The following SNRK variants were observed in gnomAD, a reference collection of about 807,000 sequenced individuals.
SNRK encodes the protein SNF-related serine/threonine-protein kinase.
A neutral mutation model predicts 48.2 loss-of-function variants in SNRK; 3 were observed. The observed-to-expected ratio is 0.06, with a 90% confidence interval of 0.03 to 0.16. The LOEUF (loss-of-function observed/expected upper bound fraction) is 0.16. Among genes scored for constraint, SNRK ranks in the 10% least tolerant of loss-of-function variants. SNRK has a pLI of 1.00. For synonymous variants in SNRK, 376 were observed against 366.1 expected (o/e 1.03, Z -0.31); for missense variants, 627 against 976.0 (o/e 0.64, Z 4.76).
chr3:43,341,068 GC>G (rs1466319100), intron 5 of SNRK, among the ~76,000 whole-genome samples: 1 of 152,122 alleles, frequency 6.6e-6, no homozygotes, highest in African/African-American at 2.4e-5. Context: ...GCCCTTGAGA[GC>G]CCCTGCTGCA....
At chr3:43,342,547 T>A (rs1330504825) in intron 5 of SNRK, among the ~76,000 whole-genome samples, 2 of 152,226 alleles carry the variant, frequency 1.3e-5, no homozygotes, top group Non-Finnish European at 2.9e-5. Flanking sequence ...GCTTCTTTCC[T>A]AAGTGTTCAT....
chr3:43,311,589 G>A (rs1423826589), intron 3 of SNRK, among the ~76,000 whole-genome samples: 1 of 152,208 alleles, frequency 6.6e-6, no homozygotes, highest in Non-Finnish European at 1.5e-5. Flanking sequence ...GCAGTCTGTG[G>A]AATTCCTGTG....
chr3:43,341,486 AGAT>A (rs1175881831), intron 5 of SNRK, among the ~76,000 whole-genome samples: 4 of 152,252 alleles, frequency 2.6e-5, no homozygotes, highest in Admixed American at 2.6e-4. Flanking sequence ...TTGGAATCAA[AGAT>A]AATACAGAGG....
rs1401144721 is a variant in SNRK at position 43,286,616 on chromosome 3, G to C, written c.-228G>C. Reference sequence around the variant, plus strand: ...TAGCGCTGGGTGCGGGGTTTCGGCGGCCGGGAGGGAGTTGTCGGCGCCGCG... The same window carrying C: ...TAGCGCTGGGTGCGGGGTTTCGGCGCCCGGGAGGGAGTTGTCGGCGCCGCG... On this transcript the variant is annotated 5_prime_UTR_variant, in exon 1 of 7. Coordinates refer to ENST00000296088, the MANE Select transcript of SNRK (RefSeq NM_017719.5). 1 of 150,250 alleles carries C rather than the reference G, an allele frequency of 6.7e-6. No homozygotes were observed. Among genetic ancestry groups the C allele is most frequent in the African/African-American group, 2.4e-5 (1 of 41,240 alleles). The allele number at this position is 150,250 out of a possible 1,614,324, so 9.3% of individuals were successfully genotyped here.
intron 5 of SNRK, among the ~76,000 whole-genome samples, chr3:43,341,162 T>G (rs948076180): frequency 8.6e-5 from 13 of 151,986 alleles, no homozygotes; most frequent in South Asian, 2.1e-4. Context: ...TTTTGTTTTT[T>G]TTTTTTGAGA....
At chr3:43,297,503 T>C (rs2090865199) in intron 1 of SNRK, among the ~76,000 whole-genome samples, 1 of 151,966 alleles carries the variant, frequency 6.6e-6, no homozygotes, top group Non-Finnish European at 1.5e-5. Context: ...ATATTATGAA[T>C]AGAAAATAAT....
At chr3:43,288,201 G>C (rs1408326571) in intron 1 of SNRK, among the ~76,000 whole-genome samples, 3 of 152,076 alleles carry the variant, frequency 2.0e-5, no homozygotes, top group Non-Finnish European at 1.5e-5. Flanking sequence ...CATCCTGAAG[G>C]CTTTTCAGGC....
intron 4 of SNRK, among the ~76,000 whole-genome samples, chr3:43,340,048 T>G (rs1368146905): frequency 6.6e-6 from 1 of 151,626 alleles, no homozygotes; most frequent in Non-Finnish European, 1.5e-5. Flanking sequence ...TAGTTAATTC[T>G]GGATGATAGG....
intron 3 of SNRK, among the ~76,000 whole-genome samples, chr3:43,324,287 A>ACC (rs1339642299): frequency 1.3e-5 from 2 of 152,172 alleles, no homozygotes; most frequent in African/African-American, 4.8e-5. Flanking sequence ...AGGCGGGTGG[A>ACC]TCACAAGGTC....
chr3:43,346,693 C>T (rs2091278834), intron 6 of SNRK, among the ~76,000 whole-genome samples: 1 of 152,152 alleles, frequency 6.6e-6, no homozygotes, highest in South Asian at 2.1e-4. Flanking sequence ...TAGTGAGCTG[C>T]ATTCATGCCC....
At chr3:43,286,730 G>A (rs1258109302) in intron 1 of SNRK, 55 bp downstream of exon 1, 1 of 148,182 alleles carries the variant, frequency 6.7e-6, no homozygotes, top group Non-Finnish European at 1.5e-5. Flanking sequence ...AGGGGTGCGG[G>A]GCCGGCCTCC....
intron 3 of SNRK, among the ~76,000 whole-genome samples, chr3:43,311,744 T>C (rs1485647699): frequency 1.3e-5 from 2 of 152,272 alleles, no homozygotes; most frequent in East Asian, 3.9e-4. Context: ...GTGACCAGGC[T>C]CTGCTGAAAC....
Position 43,347,614 on chromosome 3 carries a change from A to G in SNRK, c.1355A>G (p.Asp452Gly). 1 of 1,614,026 alleles carries G rather than the reference A, an allele frequency of 6.2e-7. No homozygotes were observed. The highest frequency in any genetic ancestry group is 8.5e-7 in the Non-Finnish European group (1 of 1,180,028). The change falls in exon 7 of 7, where the codon GAT becomes GGT. Residue 452 changes from aspartate (D) to glycine (G), a missense_variant. By Grantham distance (94) the Asp-to-Gly change is moderately conservative. Around this residue, in one of 4 missense-constraint regions of SNRK, gnomAD observed 175 missense variants for 209.7 expected, o/e 0.83. Transcript: ENST00000296088. This position sits in a 1 kb window ranked among gnomAD's most constrained non-coding sequence, Gnocchi z 5.4. ...AGGGTGGAAGAAGATGAAGAGGAAG[A>G]TGAGGAGGACAAGAAACCCATGTCC... ...LFRVEEDEEE[D>G]EEDKKPMSLS...
intron 4 of SNRK, among the ~76,000 whole-genome samples, chr3:43,336,408 T>A (rs933923499): frequency 1.3e-5 from 2 of 152,164 alleles, no homozygotes; most frequent in East Asian, 1.9e-4. Context: ...CATAGCTCAC[T>A]GCAGCCTTCA....
At chr3:43,296,894 G>A (rs2090860179) in intron 1 of SNRK, among the ~76,000 whole-genome samples, 2 of 152,166 alleles carry the variant, frequency 1.3e-5, no homozygotes, top group Non-Finnish European at 2.9e-5. Context: ...ACACCCACAT[G>A]CTTCAGTTGC....
intron 4 of SNRK, among the ~76,000 whole-genome samples, chr3:43,333,919 A>C (rs908168563): frequency 6.6e-6 from 1 of 152,076 alleles, no homozygotes; most frequent in African/African-American, 2.4e-5. Context: ...AGGCCGAGAC[A>C]GGCAGATCAC....
chr3:43,306,717 C>T (rs1017922171), intron 3 of SNRK, among the ~76,000 whole-genome samples: 1 of 152,202 alleles, frequency 6.6e-6, no homozygotes, highest in Non-Finnish European at 1.5e-5. Context: ...CCCTCTCCCA[C>T]AATCCCTGAT....
intron 1 of SNRK, chr3:43,289,645 A>G (rs939745062): frequency 6.5e-6 from 1 of 152,718 alleles, no homozygotes; most frequent in African/African-American, 2.4e-5. Flanking sequence ...GTCTCATGGG[A>G]AACCATTTCT....
Position 43,348,610 on chromosome 3 carries a change from G to A in SNRK, c.*53G>A, listed in dbSNP as rs1052701103. On this transcript the variant is annotated 3_prime_UTR_variant, in exon 7 of 7. Transcript: ENST00000296088. ...CTTCCTGCTCAGAGCAGTGAAGACC[G>A]GCTCACTTCACTGTTCCATTTGGTT... 87 of 1,458,058 alleles carry A rather than the reference G, an allele frequency of 6.0e-5. No individual in the cohort carries two copies. Among genetic ancestry groups the A allele is most frequent in the Admixed American group, 1.7e-4 (6 of 36,208 alleles). 90.3% of individuals were successfully genotyped at this position (1,458,058 alleles called of 1,614,324 possible). A position where few individuals can be genotyped will look rare whatever the true frequency, so the allele number is the denominator to read the frequency against.
Sources: allele counts gnomAD v4.1 joint callset (sites outside exome capture counted in the v4.1 genomes callset), GRCh38; gene constraint gnomAD v4.1.1; regional missense constraint gnomAD v4.1.1; non-coding constraint Gnocchi (gnomAD v3.1); transcripts MANE v1.5; gene names NCBI Gene and HGNC (gene_info 2026-07-23, HGNC 2026-07-21).